The following HCN1 variants were observed in gnomAD, a reference collection of about 807,000 sequenced individuals.
HCN1 encodes the protein hyperpolarization activated cyclic nucleotide gated potassium channel 1.
Under a neutral mutation model 78.9 loss-of-function variants are expected in HCN1, and 13 were observed. The observed-to-expected ratio is 0.16, with a 90% CI of 0.11 to 0.26. The LOEUF is 0.26. Ranked by LOEUF, HCN1 falls within the 10% of genes least tolerant of loss-of-function variation. The pLI is 1.00. For missense variants in HCN1, 810 were observed against 1,154.3 expected (o/e 0.70, Z 4.32); for synonymous variants, 552 against 455.5 (o/e 1.21, Z -2.70).
intron 2 of HCN1, among the ~76,000 whole-genome samples, chr5:45,606,786 G>A (rs543792926): frequency 6.6e-6 from 1 of 151,902 alleles, no homozygotes; most frequent in Non-Finnish European, 1.5e-5. Flanking sequence ...CAGTCATCAC[G>A]AATGAATCTA....
chr5:45,328,213 G>T (rs1746273904), intron 5 of HCN1, among the ~76,000 whole-genome samples: 1 of 151,292 alleles, frequency 6.6e-6, no homozygotes, highest in Non-Finnish European at 1.5e-5. Context: ...TATCATGATT[G>T]TGGCTGTAAC....
At chr5:45,353,590 A>C (rs556832312) in intron 4 of HCN1, among the ~76,000 whole-genome samples, 2 of 152,156 alleles carry the variant, frequency 1.3e-5, no homozygotes, top group Non-Finnish European at 2.9e-5. Context: ...GAGTTCTAAA[A>C]GAAGTATGAA....
At chr5:45,380,977 T>C (rs1747797713) in intron 4 of HCN1, among the ~76,000 whole-genome samples, 1 of 152,182 alleles carries the variant, frequency 6.6e-6, no homozygotes. Context: ...TTAGCATCTA[T>C]CTTCAGGTAC....
chr5:45,289,321 T>C (rs1453839176), intron 6 of HCN1, among the ~76,000 whole-genome samples: 2 of 151,898 alleles, frequency 1.3e-5, no homozygotes, highest in East Asian at 3.9e-4. Context: ...AAAAGGTGAG[T>C]GGAGAATGAA....
At chr5:45,525,564 A>C (rs931888983) in intron 2 of HCN1, among the ~76,000 whole-genome samples, 9 of 151,892 alleles carry the variant, frequency 5.9e-5, no homozygotes, top group African/African-American at 2.2e-4. Flanking sequence ...AATAAGAACA[A>C]AATAGGGAGT....
At chr5:45,575,647 C>T (rs1743926068) in intron 2 of HCN1, 1 of 152,068 alleles carries the variant, frequency 6.6e-6, no homozygotes, top group Admixed American at 6.6e-5. Flanking sequence ...TGGATGTCAG[C>T]ACATTTGTTT....
At chr5:45,638,487 A>G (rs1193388243) in intron 2 of HCN1, among the ~76,000 whole-genome samples, 1 of 152,256 alleles carries the variant, frequency 6.6e-6, no homozygotes, top group East Asian at 1.9e-4. Flanking sequence ...TGAGATTTCC[A>G]TGTCAAAAGC....
chr5:45,290,342 C>T lies in HCN1; in HGVS notation c.1618+13257G>A, dbSNP rs561016023. ...TAATCCTATTCATCAGGGTTCCACC[C>T]TCATGACCTAATTACCTTCCAGAGG... On this transcript the variant is annotated intron_variant, in intron 6 of 7. Coordinates refer to ENST00000303230, the MANE Select transcript of HCN1 (RefSeq NM_021072.4). 4.6e-5 allele frequency among the ~76,000 whole-genome samples: 7 copies of T among 152,144 alleles called. No individual in the cohort carries two copies. The South Asian group carries it at 1.2e-3, about 27-fold the overall frequency.
intron 5 of HCN1, among the ~76,000 whole-genome samples, chr5:45,305,374 C>A (rs1561097082): frequency 6.6e-6 from 1 of 152,040 alleles, no homozygotes; most frequent in African/African-American, 2.4e-5. Context: ...TTTAGCAAAG[C>A]ACAACAATGT....
intron 2 of HCN1, among the ~76,000 whole-genome samples, chr5:45,498,986 A>G (rs188795666): frequency 6.6e-6 from 1 of 152,262 alleles, no homozygotes; most frequent in South Asian, 2.1e-4. Context: ...CTCTTCTTCA[A>G]AGTTGTCAGA....
chr5:45,663,778 G>C (rs1201294584), intron 1 of HCN1, among the ~76,000 whole-genome samples: 2 of 151,512 alleles, frequency 1.3e-5, no homozygotes, highest in Non-Finnish European at 1.5e-5. Context: ...ACACCAGTTA[G>C]AATGGCAATC....
intron 2 of HCN1, among the ~76,000 whole-genome samples, chr5:45,485,373 C>T (rs921415766): frequency 1.3e-5 from 2 of 151,988 alleles, no homozygotes; most frequent in Admixed American, 6.6e-5. Flanking sequence ...CTGAATGTCT[C>T]CACTCTTTCA....
intron 3 of HCN1, among the ~76,000 whole-genome samples, chr5:45,453,800 A>G (rs753352258): frequency 4.6e-5 from 7 of 152,184 alleles, no homozygotes; most frequent in Non-Finnish European, 8.8e-5. Context: ...CATGAATACT[A>G]TATTTGTGAA....
chr5:45,372,281 A>C (rs1213246272), intron 4 of HCN1, among the ~76,000 whole-genome samples: 1 of 86,740 alleles, frequency 1.2e-5, no homozygotes, highest in Non-Finnish European at 2.1e-5. Flanking sequence ...TTATATATAT[A>C]ATATATATTT....
intron 3 of HCN1, among the ~76,000 whole-genome samples, chr5:45,428,776 C>G (rs932219291): frequency 6.6e-6 from 1 of 151,742 alleles, no homozygotes; most frequent in African/African-American, 2.4e-5. Context: ...AGTAACAGTC[C>G]ACTGAAATGA....
intron 6 of HCN1, among the ~76,000 whole-genome samples, chr5:45,282,437 C>A (rs1438883112): frequency 1.3e-5 from 2 of 152,234 alleles, no homozygotes; most frequent in East Asian, 3.9e-4. Flanking sequence ...GTCATAAAAA[C>A]AATCATTCTG....
At chr5:45,597,370 C>A (rs913261576) in intron 2 of HCN1, among the ~76,000 whole-genome samples, 2 of 152,082 alleles carry the variant, frequency 1.3e-5, no homozygotes, top group Non-Finnish European at 2.9e-5. Context: ...ATTCAACAGC[C>A]CTTCATGCTA....
At chr5:45,518,186 G>T (rs773933066) in intron 2 of HCN1, among the ~76,000 whole-genome samples, 1 of 152,048 alleles carries the variant, frequency 6.6e-6, no homozygotes, top group African/African-American at 2.4e-5. Context: ...TCAGATTACT[G>T]AAACCATAGT....
At chr5:45,354,519 C>T (rs1216493152) in intron 4 of HCN1, among the ~76,000 whole-genome samples, 1 of 151,958 alleles carries the variant, frequency 6.6e-6, no homozygotes, top group Admixed American at 6.6e-5. Context: ...TGACTCTTTG[C>T]CCATAATTAT....
Sources: allele counts gnomAD v4.1 joint callset (sites outside exome capture counted in the v4.1 genomes callset), GRCh38; gene constraint gnomAD v4.1.1; transcripts MANE v1.5; gene names NCBI Gene and HGNC (gene_info 2026-07-23, HGNC 2026-07-21).